MLLT1: variants seen among roughly 807,000 people sequenced by gnomAD.
The protein encoded by MLLT1 is MLLT1 super elongation complex subunit.
Under a neutral mutation model 55.1 loss-of-function variants are expected in MLLT1, and 11 were observed. The observed-to-expected ratio is 0.20, with a 90% CI of 0.13 to 0.33. MLLT1 has a LOEUF of 0.33. Among genes scored for constraint, MLLT1 ranks in the 10% least tolerant of loss-of-function variants. The probability of loss-of-function intolerance (pLI) is 1.00; values close to 1 mark genes in which losing one functional copy is unlikely to be tolerated. For synonymous variants in MLLT1, 323 were observed against 320.1 expected, an observed-to-expected ratio of 1.01 and a Z score of -0.10; for missense variants, 536 against 760.6, an observed-to-expected ratio of 0.70 and a Z score of 3.47.
chr19:6,237,932 A>G (rs1439127772), intron 3 of MLLT1, among the ~76,000 whole-genome samples: 1 of 152,088 alleles, frequency 6.6e-6, no homozygotes, highest in African/African-American at 2.4e-5. Context: ...GTGAGATCTC[A>G]TCTCTACAAA....
At chr19:6,261,641 CAAA>C (rs556152203) in intron 3 of MLLT1, among the ~76,000 whole-genome samples, 8 of 70,678 alleles carry the variant, frequency 1.1e-4, no homozygotes, top group Admixed American at 3.2e-4. Context: ...ATCATTAGGC[CAAA>C]AAAAAAAAAA....
chr19:6,265,013 A>G (rs1437990772), intron 2 of MLLT1, among the ~76,000 whole-genome samples: 2 of 148,988 alleles, frequency 1.3e-5, no homozygotes, highest in African/African-American at 5.0e-5. Flanking sequence ...AAAGACACTC[A>G]AATGTCACAA....
At position 6,256,225 on chromosome 19, in the gene MLLT1, A is replaced by G. The variant is rs554369304; in HGVS notation, c.276+6003T>C. ...GCGAAACTCTGTCTCAAAAAGATAA[A>G]TAAATAAATAAATAAATAAATAAAT... On this transcript the variant is annotated intron_variant, in intron 3 of 11. Coordinates refer to ENST00000252674, the MANE Select transcript of MLLT1 (RefSeq NM_005934.4). The surrounding 1 kb of genome is among the most constrained non-coding windows in gnomAD (Gnocchi z 4.1). Among the ~76,000 whole-genome samples the G allele has an allele frequency of 6.9e-6, 1 of 144,816 alleles. No individual in the cohort carries two copies. The highest frequency in any genetic ancestry group is 2.0e-4 in the East Asian group (1 of 5,052).
chr19:6,236,290 G>A (rs768520672), intron 3 of MLLT1, among the ~76,000 whole-genome samples: 49 of 152,220 alleles, frequency 3.2e-4, no homozygotes, highest in Non-Finnish European at 5.7e-4. Flanking sequence ...TAAGCACTCA[G>A]CGGATACGAA....
At chr19:6,266,468 T>C (rs1008746264) in intron 2 of MLLT1, among the ~76,000 whole-genome samples, 2 of 152,166 alleles carry the variant, frequency 1.3e-5, no homozygotes, top group South Asian at 4.2e-4. Context: ...TGTTTGTTTG[T>C]TTTTTTGAGA....
chr19:6,276,790 G>C (rs2091430302), intron 1 of MLLT1, among the ~76,000 whole-genome samples: 2 of 152,150 alleles, frequency 1.3e-5, no homozygotes, highest in Non-Finnish European at 2.9e-5. Flanking sequence ...CACAGACTTG[G>C]GGCGGAGGGG....
chr19:6,222,035 T>C lies in MLLT1; in HGVS notation c.1110+86A>G. ...GTGAGACCTGAGGTCCTGGCTCAGA[T>C]CCCACCTCCTTCCGCTGTTCCAGAA... On this transcript the variant is annotated intron_variant, in intron 6 of 11. Coordinates refer to ENST00000252674, the MANE Select transcript of MLLT1 (RefSeq NM_005934.4). This position sits in a 1 kb window ranked among gnomAD's most constrained non-coding sequence, Gnocchi z 4.1. The C allele has an allele frequency of 8.2e-7, 1 of 1,219,068 alleles. No homozygotes were observed. The allele number at this position is 1,219,068 out of a possible 1,614,324, so 75.5% of individuals were successfully genotyped here. A position where few individuals can be genotyped will look rare whatever the true frequency, so the allele number is the denominator to read the frequency against.
rs1201603581 is a variant in MLLT1 at position 6,222,261 on chromosome 19, A to C, written c.970T>G (p.Phe324Val). 1.9e-6 allele frequency: 3 copies of C among 1,552,220 alleles called. No individual in the cohort carries two copies. The highest frequency in any genetic ancestry group is 2.4e-5 in the East Asian group (1 of 42,084). Reference protein sequence around the residue: ...TSPRTSSSSSFSDKKPAKDKS... With the variant: ...TSPRTSSSSSVSDKKPAKDKS... ...TCCTTGGCCGGCTTCTTGTCCGAGA[A>C]GGAGGAGGAGGAGGAGGTGCGGGGC... The change falls in exon 6 of 12, where the codon TTC (phenylalanine) becomes GTC (valine). Residue 324 changes from phenylalanine to valine, a missense_variant. This residue lies in a region of MLLT1 where 449 missense variants were observed against 489.0 expected (regional missense o/e 0.92). Coordinates refer to ENST00000252674, the MANE Select transcript of MLLT1 (RefSeq NM_005934.4). This position sits in a 1 kb window ranked among gnomAD's most constrained non-coding sequence, Gnocchi z 4.1.
At chr19:6,250,838 C>A (rs762474324) in intron 3 of MLLT1, among the ~76,000 whole-genome samples, 23 of 152,152 alleles carry the variant, frequency 1.5e-4, no homozygotes, top group Middle Eastern at 3.2e-3. Context: ...GAGGTGGGAA[C>A]AGCCTGCATG....
chr19:6,222,578 A>C lies in MLLT1; in HGVS notation c.653T>G (p.Leu218Arg). ...GGAGCTTTTGGCCTGCTCACGCTCC[A>C]GCTCCTTGGAGGAGCTCTTGCTCTC... is the stretch of plus-strand genomic sequence containing the variant. ...DSESKSSSKE[L>R]EREQAKSSKD... is the part of the protein sequence containing the mutation. Residue 218 changes from leucine (L) to arginine (R), a missense_variant, in exon 6 of 12, where the codon CTG becomes CGG. Physicochemically the swap from Leu to Arg is moderately radical, Grantham distance 102 (BLOSUM62 -2). Transcript: ENST00000252674. The surrounding 1 kb of genome is among the most constrained non-coding windows in gnomAD (Gnocchi z 4.1). The C allele has an allele frequency of 6.2e-7, 1 of 1,600,364 alleles. No individual in the cohort carries two copies. Among genetic ancestry groups the C allele is most frequent in the Non-Finnish European group, 8.5e-7 (1 of 1,179,280 alleles).
chr19:6,255,122 T>C (rs1425088706), intron 3 of MLLT1, among the ~76,000 whole-genome samples: 1 of 152,184 alleles, frequency 6.6e-6, no homozygotes, highest in African/African-American at 2.4e-5. Flanking sequence ...GCTGTGCTTC[T>C]ATACACCTGC....
chr19:6,236,405 G>A (rs904578257), intron 3 of MLLT1, among the ~76,000 whole-genome samples: 5 of 152,184 alleles, frequency 3.3e-5, no homozygotes, highest in African/African-American at 1.2e-4. Flanking sequence ...GCGCACCCCG[G>A]CAGAGGTTCT....
At position 6,212,012 on chromosome 19, in the gene MLLT1, T is replaced by C. The variant is rs1393501663; in HGVS notation, c.*1030A>G. The C allele has an allele frequency of 3.8e-6, 4 of 1,065,484 alleles. No homozygotes were observed. Among genetic ancestry groups the C allele is most frequent in the East Asian group, 9.9e-5 (2 of 20,126 alleles). 66.0% of individuals were successfully genotyped at this position (1,065,484 alleles called of 1,614,324 possible). Reference sequence around the variant, plus strand: ...GCTCGAGGGGCTGACCAGAGTTCAATGCGCCTCAGAAAACTCCATAAACTA... The same window carrying C: ...GCTCGAGGGGCTGACCAGAGTTCAACGCGCCTCAGAAAACTCCATAAACTA... On this transcript the variant is annotated 3_prime_UTR_variant, in exon 12 of 12. Transcript: ENST00000252674.
intron 9 of MLLT1, 54 bp from the exon 10 acceptor site, chr19:6,213,851 G>T (rs1030027619): frequency 1.3e-6 from 2 of 1,594,300 alleles, no homozygotes; most frequent in Non-Finnish European, 1.7e-6. Context: ...CCCCAGCCCC[G>T]AAGGCCCCAC....
At position 6,212,332 on chromosome 19, in the gene MLLT1, C is replaced by A; in HGVS notation, c.*710G>T. 1 of 1,060,614 alleles carries A rather than the reference C, an allele frequency of 9.4e-7. No homozygotes were observed. The highest frequency in any genetic ancestry group is 1.1e-6 in the Non-Finnish European group (1 of 878,248). 65.7% of individuals were successfully genotyped at this position (1,060,614 alleles called of 1,614,324 possible). ...AATTCCTCCATGCGCCTGGAGAGGG[C>A]CAGCTGCCGTGCCTGGCTCGGCCTC... On this transcript the variant is annotated 3_prime_UTR_variant, in exon 12 of 12. Transcript: ENST00000252674.
Position 6,214,033 on chromosome 19 carries a change from C to A in MLLT1, c.1313G>T (p.Ser438Ile). 6.9e-7 allele frequency: 1 copy of A among 1,445,908 alleles called. No homozygotes were observed. Among genetic ancestry groups the A allele is most frequent in the South Asian group, 1.6e-5 (1 of 62,962 alleles). 89.6% of individuals were successfully genotyped at this position (1,445,908 alleles called of 1,614,324 possible). The change falls in exon 9 of 12, where the codon AGC becomes ATC. Residue 438 changes from serine to isoleucine, a missense_variant. By Grantham distance (142) the Ser-to-Ile change is moderately radical. Coordinates refer to ENST00000252674, the MANE Select transcript of MLLT1 (RefSeq NM_005934.4). ...KTNPGRDSRL[S>I]FSDSESDNSA... ...GTTGTCACTCTCGCTGTCGCTGAAG[C>A]TCAACCTGAACCGACACACGGGGGC... is the stretch of plus-strand genomic sequence containing the variant.
rs1197456059 is a variant in MLLT1, at chr19:6,213,341, T to C, written c.1547A>G (p.Gln516Arg). 6.2e-7 allele frequency: 1 copy of C among 1,612,336 alleles called. No homozygotes were observed. The highest frequency in any genetic ancestry group is 8.5e-7 in the Non-Finnish European group (1 of 1,179,872). Residue 516 changes from glutamine (Q) to arginine (R), a missense_variant, in exon 11 of 12, where the codon CAG becomes CGG. Around this residue, in one of 3 missense-constraint regions of MLLT1, gnomAD observed 25 missense variants for 75.8 expected, o/e 0.33. Transcript: ENST00000252674. Reference protein sequence around the residue: ...LMALRERNVLQQIVNLIEETG... With the variant: ...LMALRERNVLRQIVNLIEETG... ...GGACCCTCAGGGGGGCGATACCTGC[T>C]GCAGCACGTTGCGCTCCCGCAGCGC... is the stretch of plus-strand genomic sequence containing the variant.
At chr19:6,266,853 G>A (rs2091352834) in intron 2 of MLLT1, among the ~76,000 whole-genome samples, 1 of 152,152 alleles carries the variant, frequency 6.6e-6, no homozygotes, top group Non-Finnish European at 1.5e-5. Flanking sequence ...ACAAACCTCA[G>A]GAGAACAGGA....
At position 6,273,005 on chromosome 19, in the gene MLLT1, T is replaced by C. The variant is rs1020241942; in HGVS notation, c.13-2246A>G. On this transcript the variant is annotated intron_variant, in intron 1 of 11. Transcript: ENST00000252674. This position sits in a 1 kb window ranked among gnomAD's most constrained non-coding sequence, Gnocchi z 4.3. Reference sequence around the variant, plus strand: ...AGGAAAGGGGGCAGAGGGGATTCCCTTGGCTCAGGACGACTGTCCCTCTGG... The same window carrying C: ...AGGAAAGGGGGCAGAGGGGATTCCCCTGGCTCAGGACGACTGTCCCTCTGG... 6.6e-6 allele frequency among the ~76,000 whole-genome samples: 1 copy of C among 152,204 alleles called. No homozygotes were observed. Among genetic ancestry groups the C allele is most frequent in the Non-Finnish European group, 1.5e-5 (1 of 68,036 alleles).
Sources: gnomAD v4.1 joint callset for allele counts (sites outside exome capture counted in the v4.1 genomes callset) on GRCh38, gnomAD v4.1.1 for gene constraint, gnomAD v4.1.1 regional missense constraint, Gnocchi (gnomAD v3.1) non-coding constraint, MANE v1.5 for transcripts, NCBI Gene and HGNC (gene_info 2026-07-23, HGNC 2026-07-21) for gene names.